DGKI: variants seen among roughly 807,000 people sequenced by gnomAD.
The protein encoded by DGKI is diacylglycerol kinase iota, also known as DAG kinase iota.
A neutral mutation model predicts 147.5 loss-of-function variants in DGKI; 55 were observed. That is an observed-to-expected ratio of 0.37 (90% confidence interval 0.30 to 0.47). The LOEUF is 0.47. Among genes scored for constraint, DGKI ranks in the 20% least tolerant of loss-of-function variants. DGKI has a pLI of 1.00. For missense variants in DGKI, 1,007 were observed against 1,323.8 expected, an observed-to-expected ratio of 0.76 and a Z score of 3.71; for synonymous variants, 469 against 477.1, an observed-to-expected ratio of 0.98 and a Z score of 0.22.
chr7:137,554,914 C>CTTTTTTTTT (rs757320303), intron 19 of DGKI, among the ~76,000 whole-genome samples: 2 of 107,430 alleles, frequency 1.9e-5, no homozygotes, highest in African/African-American at 3.9e-5. Flanking sequence ...AAACTATTTT[C>CTTTTTTTTT]TTTTTTTTTT....
chr7:137,754,512 C>T (rs908629304), intron 1 of DGKI, among the ~76,000 whole-genome samples: 2 of 152,130 alleles, frequency 1.3e-5, no homozygotes, highest in African/African-American at 2.4e-5. Context: ...CAGCAAGGGA[C>T]GTTTGTTTTA....
chr7:137,790,794 C>G (rs1016916428), intron 1 of DGKI, among the ~76,000 whole-genome samples: 2 of 152,124 alleles, frequency 1.3e-5, no homozygotes, highest in African/African-American at 4.8e-5. Flanking sequence ...ATAACAGTGC[C>G]TGTTGTTAGA....
At chr7:137,512,539 C>A (rs1816614100) in intron 21 of DGKI, among the ~76,000 whole-genome samples, 1 of 152,172 alleles carries the variant, frequency 6.6e-6, no homozygotes, top group South Asian at 2.1e-4. Context: ...ATGGACTAGG[C>A]TGGTCTATAA....
chr7:137,638,548 A>ATG (rs1289349561), intron 6 of DGKI, among the ~76,000 whole-genome samples: 19 of 109,370 alleles, frequency 1.7e-4, no homozygotes, highest in Non-Finnish European at 2.8e-4. Flanking sequence ...ATGTATATAT[A>ATG]TGTGTGTATA....
At chr7:137,762,074 C>G (rs1028085629) in intron 1 of DGKI, among the ~76,000 whole-genome samples, 1 of 152,210 alleles carries the variant, frequency 6.6e-6, no homozygotes, top group Non-Finnish European at 1.5e-5. Context: ...CTCATTATTT[C>G]TGGCCTAGAG....
chr7:137,553,270 C>T (rs908802852), intron 19 of DGKI, among the ~76,000 whole-genome samples: 1 of 152,142 alleles, frequency 6.6e-6, no homozygotes, highest in Admixed American at 6.6e-5. Context: ...TTGTATTTAT[C>T]CAATACTTTA....
chr7:137,696,463 T>TTTTTTTTTTG (rs1823790435), intron 1 of DGKI, among the ~76,000 whole-genome samples: 1 of 137,974 alleles, frequency 7.2e-6, no homozygotes, highest in Non-Finnish European at 1.5e-5. Flanking sequence ...TTTTTTTTTT[T>TTTTTTTTTTG]GCTTAATGTG....
At chr7:137,493,710 A>C in intron 21 of DGKI, 1 of 699,406 alleles carries the variant, frequency 1.4e-6, no homozygotes, top group Non-Finnish European at 2.6e-6. Context: ...ACTGAAGGAA[A>C]ATCAGCCCAC....
chr7:137,664,377 C>CAA lies in DGKI; in HGVS notation c.607-7839_607-7838dup, dbSNP rs1190186766. Among the ~76,000 whole-genome samples, 420 of 55,890 alleles carry CAA rather than the reference C, an allele frequency of 7.5e-3. 4 individuals are homozygous for CAA. The highest frequency in any genetic ancestry group is 0.015 in the African/African-American group (387 of 26,442). 36.7% of individuals were successfully genotyped at this position (55,890 alleles called of 152,430 possible). A position where few individuals can be genotyped will look rare whatever the true frequency, so the allele number is the denominator to read the frequency against. On this transcript the variant is annotated intron_variant, in intron 3 of 32. Transcript: ENST00000614521. ...TGGGTGACAGAGCAAGACTCCATCT[C>CAA]AAAAAAAAAAAAAAAAAAAAAGAAA...
chr7:137,400,713 A>G (rs1444274561), intron 30 of DGKI, among the ~76,000 whole-genome samples: 4 of 152,168 alleles, frequency 2.6e-5, no homozygotes. Context: ...CAGAGGCACT[A>G]ATAACAAGGC....
In DGKI at chr7:137,585,320, C is replaced by T. The variant is rs1819351435; in HGVS notation, c.1452G>A (p.Lys484=). ...GGGYTDEPVS[K]ILCQVEDGTV... ...TCCCATCTTCCACTTGACACAGGAT[C>T]TTAGAAACAGGTTCATCAGTGTAGC... Residue 484 remains lysine (K), a synonymous_variant, in exon 14 of 33, where the codon AAG becomes AAA. Transcript: ENST00000614521. 5 of 1,614,110 alleles carry T rather than the reference C, an allele frequency of 3.1e-6. No homozygotes were observed. In the East Asian group the frequency reaches 1.1e-4, roughly 36 times the overall value.
At chr7:137,624,134 T>C (rs1333910738) in intron 6 of DGKI, among the ~76,000 whole-genome samples, 3 of 152,204 alleles carry the variant, frequency 2.0e-5, no homozygotes, top group Non-Finnish European at 4.4e-5. Context: ...GAAGCAACGA[T>C]GAAATCAATG....
chr7:137,495,307 T>C (rs1815920669), intron 21 of DGKI, among the ~76,000 whole-genome samples: 1 of 150,472 alleles, frequency 6.6e-6, no homozygotes, highest in Admixed American at 6.6e-5. Flanking sequence ...ATAAAAAGCC[T>C]ACCAACCAGA....
chr7:137,838,816 T>C (rs1240992185), intron 1 of DGKI, among the ~76,000 whole-genome samples: 2 of 152,224 alleles, frequency 1.3e-5, no homozygotes, highest in Admixed American at 6.5e-5. Flanking sequence ...AAATAACTGA[T>C]GGAACATCCC....
At chr7:137,525,151 A>C (rs531805617) in intron 20 of DGKI, among the ~76,000 whole-genome samples, 2 of 152,168 alleles carry the variant, frequency 1.3e-5, no homozygotes, top group Non-Finnish European at 2.9e-5. Flanking sequence ...ATGAATTCAC[A>C]TATGATCTCA....
chr7:137,538,475 T>A (rs571588717), intron 20 of DGKI, among the ~76,000 whole-genome samples: 4 of 152,226 alleles, frequency 2.6e-5, no homozygotes, highest in African/African-American at 9.7e-5. Flanking sequence ...CCCAAGGTAA[T>A]AAGCAGACCC....
chr7:137,781,707 A>G (rs1796523297), intron 1 of DGKI, among the ~76,000 whole-genome samples: 1 of 152,244 alleles, frequency 6.6e-6, no homozygotes, highest in Non-Finnish European at 1.5e-5. Context: ...GTACTGAATT[A>G]TCTGGTGTTT....
At chr7:137,594,101 C>A (rs968094862) in intron 12 of DGKI, among the ~76,000 whole-genome samples, 4 of 152,206 alleles carry the variant, frequency 2.6e-5, no homozygotes, top group African/African-American at 9.7e-5. Context: ...GGCTGGAGTG[C>A]AGTAGCACAA....
rs564857051 is a variant in DGKI, at chr7:137,440,840, G to C, written c.2761+3237C>G. On this transcript the variant is annotated intron_variant, in intron 28 of 32. Transcript: ENST00000614521. ...ACAGTTTATGTGTCATTTAGACCTT[G>C]TGTTGCCAATTCTATATGACCACAC... Among the ~76,000 whole-genome samples, 41 of 152,246 alleles carry C rather than the reference G, an allele frequency of 2.7e-4. No homozygotes were observed. In the East Asian group the frequency reaches 7.9e-3, roughly 29 times the overall value.
Sources: allele counts gnomAD v4.1 joint callset (sites outside exome capture counted in the v4.1 genomes callset), GRCh38; gene constraint gnomAD v4.1.1; transcripts MANE v1.5; gene names NCBI Gene and HGNC (gene_info 2026-07-23, HGNC 2026-07-21).